Variants in TRPM5 observed in about 807,000 individuals in gnomAD.
TRPM5 encodes the protein MLSN1 and TRP-related.
In TRPM5, 121 loss-of-function variants were observed where a neutral mutation model predicts 124.9. The observed-to-expected ratio is 0.97, with a 90% CI of 0.84 to 1.13. TRPM5 has a LOEUF of 1.13. Ranked by LOEUF, TRPM5 falls within the 50% of genes most tolerant of loss-of-function variation. TRPM5 has a pLI of 0.00. For missense variants in TRPM5, 1,643 were observed against 1,589.1 expected (o/e 1.03, Z -0.58); for synonymous variants, 781 against 700.5 (o/e 1.11, Z -1.81).
intron 16 of TRPM5, 37 bp from the exon 22 acceptor site, chr11:2,411,804 G>C (rs1160024404): frequency 6.2e-7 from 1 of 1,609,138 alleles, no homozygotes; most frequent in Non-Finnish European, 8.5e-7. Context: ...GCGGGGCCCA[G>C]AGAGGGGCAG....
intron 3 of TRPM5, among the ~76,000 whole-genome samples, 178 bp from the exon 9 acceptor site, chr11:2,420,583 G>A (rs889737561): frequency 6.6e-5 from 10 of 152,228 alleles, no homozygotes; most frequent in Non-Finnish European, 1.2e-4. Flanking sequence ...GCTGGGGCCC[G>A]GGGACCCTCC....
chr11:2,410,692 A>T, intron 18 of TRPM5: 1 of 455,520 alleles, frequency 2.2e-6, no homozygotes, highest in Non-Finnish European at 4.4e-6. Context: ...GCTTATGAAA[A>T]AGTTTCCAGA....
In TRPM5 at chr11:2,413,119, C is replaced by G. The variant is rs1393703838; in HGVS notation, c.2096+15G>C. On this transcript the variant is annotated intron_variant, in intron 14 of 23. Coordinates refer to ENST00000155858, the Ensembl canonical transcript of TRPM5. The stretch of plus-strand genomic sequence containing the variant: ...CGCCAGTCCCCTCCACCCTGCCTGG[C>G]CCTGTGCCTCGCACCGGCTCTGCAG... The G allele has an allele frequency of 6.4e-7, 1 of 1,552,788 alleles. No individual in the cohort carries two copies. Among genetic ancestry groups the G allele is most frequent in the African/African-American group, 1.4e-5 (1 of 73,446 alleles).
chr11:2,434,211 G>A, the TRPM5 span, among the ~76,000 whole-genome samples: 1 of 151,840 alleles, frequency 6.6e-6, no homozygotes, highest in Non-Finnish European at 1.5e-5. Context: ...TGCACCATGT[G>A]TGTCTGTGTG....
At chr11:2,416,058 G>A in intron 7 of TRPM5, 34 bp from the exon 13 acceptor site, 1 of 1,510,638 alleles carries the variant, frequency 6.6e-7, no homozygotes, top group South Asian at 1.2e-5. Context: ...TGGTGAGGGT[G>A]GAGCTGAGGG....
intron 7 of TRPM5, 21 bp downstream of exon 12, chr11:2,417,706 G>GGGGC: frequency 1.8e-6 from 2 of 1,087,304 alleles, no homozygotes; most frequent in Non-Finnish European, 2.8e-6. Context: ...CGCCTGCCTT[G>GGGGC]CCCACCCTGC....
At chr11:2,417,064 A>T (rs1845697853) in intron 7 of TRPM5, among the ~76,000 whole-genome samples, 1 of 152,112 alleles carries the variant, frequency 6.6e-6, no homozygotes, top group Non-Finnish European at 1.5e-5. Context: ...GGAAATGGGG[A>T]GTGAGTGCCA....
At chr11:2,414,024 C>T in intron 12 of TRPM5, 37 bp downstream of exon 17, 1 of 1,539,890 alleles carries the variant, frequency 6.5e-7, no homozygotes. Context: ...CCCACCCCAC[C>T]CCCTGGCAGC....
the TRPM5 span, among the ~76,000 whole-genome samples, chr11:2,431,792 T>C: frequency 1.3e-5 from 2 of 152,068 alleles, no homozygotes; most frequent in Admixed American, 6.5e-5. Flanking sequence ...CTCGGTCTCT[T>C]CCCCTGTGAT....
chr11:2,410,322 C>T (rs757366445), intron 18 of TRPM5, among the ~76,000 whole-genome samples: 1 of 152,204 alleles, frequency 6.6e-6, no homozygotes, highest in Non-Finnish European at 1.5e-5. Context: ...AAATATTTAT[C>T]GAGGGTCCTG....
chr11:2,442,760 C>G, the TRPM5 span, among the ~76,000 whole-genome samples: 1 of 152,192 alleles, frequency 6.6e-6, no homozygotes, highest in Non-Finnish European at 1.5e-5. The surrounding 1 kb of genome is among the most constrained non-coding windows in gnomAD (Gnocchi z 5.9). Flanking sequence ...TTTTGCCAAT[C>G]TGATAAGCAA....
At position 2,412,196 on chromosome 11, in the gene TRPM5, C is replaced by A. The variant is rs775432263; in HGVS notation, c.2413G>T (p.Asp805Tyr). The change falls in exon 16 of 24, where the codon GAC (aspartate) becomes TAC (tyrosine). Residue 805 changes from aspartate to tyrosine, a missense_variant. Asp to Tyr is a radical substitution (Grantham distance 160, BLOSUM62 -3). Coordinates refer to ENST00000155858, the Ensembl canonical transcript of TRPM5. Reference sequence around the variant, plus strand: ...ACCATGTCACACTTGTTCCAGTTGTCCCCCACATACAGTGTGAACTTCTTC... The same window carrying A: ...ACCATGTCACACTTGTTCCAGTTGTACCCCACATACAGTGTGAACTTCTTC... 34 of 1,613,494 alleles carry A rather than the reference C, an allele frequency of 2.1e-5. No homozygotes were observed. In the East Asian group the frequency reaches 2.2e-4, roughly 11 times the overall value.
chr11:2,421,293 T>C, intron 2 of TRPM5, 95 bp from the exon 8 acceptor site: 4 of 1,407,898 alleles, frequency 2.8e-6, no homozygotes, highest in East Asian at 5.6e-5. Flanking sequence ...CAGCAGCCAG[T>C]TACCTGGGAG....
At chr11:2,429,497 T>C in the TRPM5 span, among the ~76,000 whole-genome samples, 1 of 151,500 alleles carries the variant, frequency 6.6e-6, no homozygotes, top group Non-Finnish European at 1.5e-5. The surrounding 1 kb of genome is among the most constrained non-coding windows in gnomAD (Gnocchi z 8.4). Context: ...GTACTGGTGG[T>C]GTTGGTGATG....
chr11:2,429,853 C>T, the TRPM5 span, among the ~76,000 whole-genome samples: 1 of 152,020 alleles, frequency 6.6e-6, no homozygotes, highest in Non-Finnish European at 1.5e-5. This position sits in a 1 kb window ranked among gnomAD's most constrained non-coding sequence, Gnocchi z 8.4. Flanking sequence ...GTAATCGGAT[C>T]ATGGGGGTGG....
chr11:2,419,852 C>T (rs932715626), intron 4 of TRPM5, among the ~76,000 whole-genome samples: 10 of 152,218 alleles, frequency 6.6e-5, no homozygotes, highest in African/African-American at 9.6e-5. Context: ...ATACCTCACG[C>T]CTGGCGGCGG....
At chr11:2,411,823 C>G in intron 16 of TRPM5, 56 bp from the exon 22 acceptor site, 1 of 1,601,560 alleles carries the variant, frequency 6.2e-7, no homozygotes. Flanking sequence ...AGAGGCTTCC[C>G]CAGGGGCACA....
chr11:2,411,464 G>A (rs532779508), exon 18 of TRPM5: 1 of 1,612,056 alleles, frequency 6.2e-7, no homozygotes, highest in South Asian at 1.1e-5. Flanking sequence ...GCGCCTGGGT[G>A]GTGACACCGT....
At chr11:2,421,913 A>T (rs1348709183) in intron 2 of TRPM5, among the ~76,000 whole-genome samples, 1 of 151,906 alleles carries the variant, frequency 6.6e-6, no homozygotes, top group African/African-American at 2.4e-5. Context: ...TGGGTACTGC[A>T]GAGGACGGGC....
Sources: gnomAD v4.1 joint callset for allele counts (sites outside exome capture counted in the v4.1 genomes callset) on GRCh38, gnomAD v4.1.1 for gene constraint, Gnocchi (gnomAD v3.1) non-coding constraint, MANE v1.5 for transcripts, NCBI Gene and HGNC (gene_info 2026-07-23, HGNC 2026-07-21) for gene names.